The following KAZN variants were observed in gnomAD, a reference collection of about 807,000 sequenced individuals.
KAZN encodes kazrin, periplakin interacting protein, also known as kazrin.
Under a neutral mutation model 87.4 loss-of-function variants are expected in KAZN, and 40 were observed. The ratio of observed to expected loss-of-function variants is 0.46; its 90% CI spans 0.36 to 0.60. The LOEUF is 0.60. Among genes scored for constraint, KAZN ranks in the 20% least tolerant of loss-of-function variants. KAZN has a pLI of 0.00. For missense variants in KAZN, 898 were observed against 1,073.9 expected (o/e 0.84, Z 2.29); for synonymous variants, 466 against 458.3 (o/e 1.02, Z -0.22).
intron 1 of KAZN, among the ~76,000 whole-genome samples, chr1:14,933,608 T>TA (rs1387684004): frequency 6.7e-6 from 1 of 149,672 alleles, no homozygotes; most frequent in African/African-American, 2.6e-5. Context: ...AGCACCTTGA[T>TA]ATGTCTCTGG....
At chr1:14,121,412 T>C (rs1201811518) in intron 1 of KAZN, among the ~76,000 whole-genome samples, 1 of 152,154 alleles carries the variant, frequency 6.6e-6, no homozygotes, top group African/African-American at 2.4e-5. Flanking sequence ...CGGGGGTGTG[T>C]TCATTTTACA....
intron 1 of KAZN, among the ~76,000 whole-genome samples, chr1:14,919,802 T>A (rs1658297963): frequency 6.6e-6 from 1 of 152,186 alleles, no homozygotes; most frequent in Non-Finnish European, 1.5e-5. Context: ...TGAGATATGT[T>A]TAGATATATA....
rs1020187756 is a variant in KAZN, at chr1:14,820,024, T to TTA, written c.227-140649_227-140648dup. On this transcript the variant is annotated intron_variant, in intron 1 of 14. Transcript: ENST00000376030. The surrounding 1 kb of genome is among the most constrained non-coding windows in gnomAD (Gnocchi z 4.1). ...GTGCCTGGCCCGAAAAAAAATCTATTTATATATATATAGTCCACCCTCACC... is the reference window on the plus strand; with the variant it reads ...GTGCCTGGCCCGAAAAAAAATCTATTTATATATATATATAGTCCACCCTCACC... 3.3e-5 allele frequency among the ~76,000 whole-genome samples: 5 copies of TTA among 152,074 alleles called. No homozygotes were observed. The highest frequency in any genetic ancestry group is 2.1e-4 in the South Asian group (1 of 4,810).
chr1:14,253,338 A>C (rs1406426445), intron 2 of KAZN, among the ~76,000 whole-genome samples: 1 of 152,150 alleles, frequency 6.6e-6, no homozygotes, highest in Non-Finnish European at 1.5e-5. Context: ...CTTGCTCATC[A>C]AGCTTCTCGG....
intron 1 of KAZN, among the ~76,000 whole-genome samples, chr1:13,971,315 C>T (rs151290283): frequency 7.1e-4 from 108 of 152,286 alleles, no homozygotes; most frequent in African/African-American, 1.9e-3. Flanking sequence ...ACATTATTTA[C>T]GCCATAGCAA....
chr1:15,068,307 G>A (rs142796350), intron 8 of KAZN, among the ~76,000 whole-genome samples: 112 of 152,126 alleles, frequency 7.4e-4, no homozygotes, highest in East Asian at 2.3e-3. Context: ...GGCTGGATTC[G>A]GGGCCCTTGG....
At chr1:14,866,500 A>G (rs769044175) in intron 1 of KAZN, among the ~76,000 whole-genome samples, 88 of 152,280 alleles carry the variant, frequency 5.8e-4, no homozygotes, top group Admixed American at 1.2e-3. Context: ...AGGCCAAGGC[A>G]GGAGGAGTGT....
chr1:14,776,485 G>A (rs758122852), intron 1 of KAZN, among the ~76,000 whole-genome samples: 6 of 152,166 alleles, frequency 3.9e-5, no homozygotes, highest in Non-Finnish European at 8.8e-5. Context: ...ATCCAGGCTG[G>A]ACACAAGGTC....
In KAZN at chr1:15,066,685, G is replaced by C. The variant is rs931038796; in HGVS notation, c.1222+932G>C. On this transcript the variant is annotated intron_variant, in intron 8 of 14. Transcript: ENST00000376030. The surrounding 1 kb of genome is among the most constrained non-coding windows in gnomAD (Gnocchi z 4.3). ...TTTTCCATGGGGTGGGCGGGAGGTG[G>C]GTGTCTCTGTTGACTTGTCTGTTCT... is the stretch of plus-strand genomic sequence containing the variant. 1 of 985,216 alleles carries C rather than the reference G, an allele frequency of 1.0e-6. No homozygotes were observed. The highest frequency in any genetic ancestry group is 1.7e-5 in the African/African-American group (1 of 57,186). The allele number at this position is 985,216 out of a possible 1,614,324, so 61.0% of individuals were successfully genotyped here.
chr1:13,908,984 G>A (rs753503287), intron 1 of KAZN, among the ~76,000 whole-genome samples: 98 of 152,180 alleles, frequency 6.4e-4, no homozygotes, highest in Admixed American at 4.8e-3. Context: ...AGCAGAGCTC[G>A]CAGGTTTGCC....
chr1:14,515,452 C>T (rs1671250486), intron 2 of KAZN, among the ~76,000 whole-genome samples: 2 of 152,174 alleles, frequency 1.3e-5, no homozygotes, highest in Admixed American at 6.5e-5. Flanking sequence ...TCAGTCCCAC[C>T]GTATGTGGGA....
chr1:14,402,650 C>T (rs1017575665), intron 2 of KAZN, among the ~76,000 whole-genome samples: 1 of 152,044 alleles, frequency 6.6e-6, no homozygotes, highest in Non-Finnish European at 1.5e-5. Context: ...GAAAATCACA[C>T]AGAAGAGTAA....
At chr1:14,121,927 T>C (rs528451613) in intron 1 of KAZN, among the ~76,000 whole-genome samples, 1 of 152,006 alleles carries the variant, frequency 6.6e-6, no homozygotes, top group Non-Finnish European at 1.5e-5. Context: ...AGGCAGAAGG[T>C]GCCTGGTGTG....
chr1:14,116,305 C>G (rs1051224030), intron 1 of KAZN, among the ~76,000 whole-genome samples: 17 of 152,298 alleles, frequency 1.1e-4, no homozygotes, highest in Non-Finnish European at 1.6e-4. Context: ...TTTTGTGGAA[C>G]AGGCCCAGGG....
At chr1:13,925,401 AG>A (rs1273498993) in intron 1 of KAZN, among the ~76,000 whole-genome samples, 1 of 152,194 alleles carries the variant, frequency 6.6e-6, no homozygotes, top group Non-Finnish European at 1.5e-5. Flanking sequence ...AAAGTGTCAA[AG>A]GGGGATGGGA....
chr1:14,949,239 GA>G lies in KAZN; in HGVS notation c.227-11438del, dbSNP rs549483217. On this transcript the variant is annotated intron_variant, in intron 1 of 14. Transcript: ENST00000376030. The surrounding 1 kb of genome is among the most constrained non-coding windows in gnomAD (Gnocchi z 4.3). Reference sequence around the variant, plus strand: ...TAAGCAACTGAATTGGGATTAAAGGGAAAAAAACATTCCTTTATTAAAACAA... The same window carrying G: ...TAAGCAACTGAATTGGGATTAAAGGGAAAAAACATTCCTTTATTAAAACAA... Among the ~76,000 whole-genome samples the G allele has an allele frequency of 3.3e-3, 500 of 150,802 alleles. 8 individuals carry two copies. Among genetic ancestry groups the G allele is most frequent in the African/African-American group, 0.011 (471 of 40,962 alleles).
chr1:15,077,235 C>T lies in KAZN; in HGVS notation c.1222+11482C>T, dbSNP rs528272584. Among the ~76,000 whole-genome samples, 1 of 152,170 alleles carries T rather than the reference C, an allele frequency of 6.6e-6. No individual in the cohort carries two copies. Among genetic ancestry groups the T allele is most frequent in the Non-Finnish European group, 1.5e-5 (1 of 68,028 alleles). ...TTTGTCTCAGGGCCAACAGCTCTGT[C>T]ACCTCCAGTCTAGATTCTCTCTCTG... On this transcript the variant is annotated intron_variant, in intron 8 of 14. Transcript: ENST00000376030. The surrounding 1 kb of genome is among the most constrained non-coding windows in gnomAD (Gnocchi z 4.8).
intron 1 of KAZN, among the ~76,000 whole-genome samples, chr1:13,914,314 CT>C (rs1330233420): frequency 1.3e-5 from 2 of 152,252 alleles, no homozygotes; most frequent in African/African-American, 4.8e-5. Flanking sequence ...ATTTAGCCCC[CT>C]GAGCATCAAT....
Position 14,137,701 on chromosome 1 carries a change from C to CTTTTTTTTTTTTTTTTTT in KAZN, c.92-42727_92-42710dup, listed in dbSNP as rs35819477. ...GAGTAAGCCTACAACAAATATAAGG[C>CTTTTTTTTTTTTTTTTTT]TTTTTTTTTTTTTTTTTTTTTTTTG... is the stretch of plus-strand genomic sequence containing the variant. On this transcript the variant is annotated intron_variant, in intron 1 of 16. Transcript: ENST00000636203. 3.1e-5 allele frequency among the ~76,000 whole-genome samples: 2 copies of CTTTTTTTTTTTTTTTTTT among 65,062 alleles called. 1 individual carries two copies. 42.7% of individuals were successfully genotyped at this position (65,062 alleles called of 152,430 possible).
Sources: gnomAD v4.1 joint callset for allele counts (sites outside exome capture counted in the v4.1 genomes callset) on GRCh38, gnomAD v4.1.1 for gene constraint, Gnocchi (gnomAD v3.1) non-coding constraint, MANE v1.5 for transcripts, NCBI Gene and HGNC (gene_info 2026-07-23, HGNC 2026-07-21) for gene names.